NUP107: variants seen among roughly 807,000 people sequenced by gnomAD.
NUP107 encodes nuclear pore complex protein Nup107.
Under a neutral mutation model 141.0 loss-of-function variants are expected in NUP107, and 101 were observed. The ratio of observed to expected loss-of-function variants is 0.72; its 90% CI spans 0.61 to 0.84. The LOEUF is 0.84. Among genes scored for constraint, NUP107 ranks in the 40% least tolerant of loss-of-function variants. The probability of loss-of-function intolerance (pLI) is 0.00; values close to 1 mark genes in which losing one functional copy is unlikely to be tolerated. For missense variants in NUP107, 941 were observed against 1,102.7 expected, an observed-to-expected ratio of 0.85 and a Z score of 2.08; for synonymous variants, 319 against 363.9, an observed-to-expected ratio of 0.88 and a Z score of 1.41.
chr12:68,728,874 A>T (rs1213015854), intron 20 of NUP107, among the ~76,000 whole-genome samples: 22 of 152,140 alleles, frequency 1.4e-4, no homozygotes, highest in Admixed American at 1.4e-3. Flanking sequence ...TACAAGATGA[A>T]TTGTCTATTT....
At position 68,709,321 on chromosome 12, in the gene NUP107, A is replaced by AT; in HGVS notation, c.801+15dup. On this transcript the variant is annotated intron_variant, in intron 9 of 27. Coordinates refer to ENST00000229179, the MANE Select transcript of NUP107 (RefSeq NM_020401.4). Reference sequence around the variant, plus strand: ...TTCGACAAAGTCAGGTATGACTAGAATTTAAAATTTTTTTTTATGAAACAT... The same window carrying AT: ...TTCGACAAAGTCAGGTATGACTAGAATTTTAAAATTTTTTTTTATGAAACAT... 6.5e-7 allele frequency: 1 copy of AT among 1,543,658 alleles called. No individual in the cohort carries two copies. The highest frequency in any genetic ancestry group is 1.2e-5 in the South Asian group (1 of 82,308).
rs59513587 is a variant in NUP107 at position 68,690,990 on chromosome 12, G to A, written c.303+244G>A. On this transcript the variant is annotated intron_variant, in intron 4 of 27. Coordinates refer to ENST00000229179, the MANE Select transcript of NUP107 (RefSeq NM_020401.4). ...AGCTGCTCGGGAGGCTGAGGTGTGAGAATTGCTTGAACCCAGGAGGCAGAG... is the reference window on the plus strand; with the variant it reads ...AGCTGCTCGGGAGGCTGAGGTGTGAAAATTGCTTGAACCCAGGAGGCAGAG... Among the ~76,000 whole-genome samples, 30,173 of 151,858 alleles carry A rather than the reference G, an allele frequency of 0.2. 3,754 individuals carry two copies. The highest frequency in any genetic ancestry group is 0.45 in the South Asian group (2,185 of 4,820).
At chr12:68,706,098 G>A in intron 8 of NUP107, 1 of 770,878 alleles carries the variant, frequency 1.3e-6, no homozygotes. Context: ...TACACTCTGG[G>A]CCAAGAGAAG....
rs1352804600 is a variant in NUP107 at position 68,719,660 on chromosome 12, A to T, written c.1251+6A>T. On this transcript the variant is annotated splice_donor_region_variant and intron_variant, in intron 14 of 27. Transcript: ENST00000229179. ...GCTGGAGAATGGCAGAAGATGTAAG[A>T]TAAATAAAATATTCAGTGATACTGT... 6.3e-7 allele frequency: 1 copy of T among 1,577,938 alleles called. No individual in the cohort carries two copies. The highest frequency in any genetic ancestry group is 1.1e-5 in the South Asian group (1 of 90,234).
At chr12:68,701,919 C>T (rs1379722867) in intron 7 of NUP107, among the ~76,000 whole-genome samples, 1 of 152,022 alleles carries the variant, frequency 6.6e-6, no homozygotes, top group African/African-American at 2.4e-5. Flanking sequence ...AAGGGATTCT[C>T]CTGCCTCAGC....
In NUP107 at chr12:68,712,929, T is replaced by C. The variant is rs542580627; in HGVS notation, c.891-801T>C. 9.6e-4 allele frequency among the ~76,000 whole-genome samples: 146 copies of C among 152,230 alleles called. 1 individual carries two copies. In the South Asian group the frequency reaches 0.012, roughly 13 times the overall value. On this transcript the variant is annotated intron_variant, in intron 10 of 27. Transcript: ENST00000229179. ...TCAAGATGTGTCATAGTCCTAAATG[T>C]AGAAGCTAAAAACCATAAAGCTTTT...
At chr12:68,735,637 A>G (rs558074351) in intron 26 of NUP107, among the ~76,000 whole-genome samples, 4 of 152,350 alleles carry the variant, frequency 2.6e-5, no homozygotes, top group African/African-American at 9.6e-5. Context: ...ATTTACAGAT[A>G]TAAAGATAAC....
chr12:68,740,803 C>G (rs1441387270), intron 26 of NUP107, among the ~76,000 whole-genome samples: 1 of 151,704 alleles, frequency 6.6e-6, no homozygotes, highest in Non-Finnish European at 1.5e-5. Flanking sequence ...GCAGGAGGAT[C>G]ACTTGAGCCC....
At chr12:68,691,248 A>G (rs1275337828) in intron 4 of NUP107, among the ~76,000 whole-genome samples, 1 of 152,202 alleles carries the variant, frequency 6.6e-6, no homozygotes, top group Non-Finnish European at 1.5e-5. Context: ...TTTAGATGAA[A>G]ATAAGATGTT....
At chr12:68,716,245 C>T (rs2468419) in intron 12 of NUP107, among the ~76,000 whole-genome samples, 96,067 of 115,494 alleles carry the variant, frequency 0.83, 39,878 homozygotes, top group Non-Finnish European at 0.87. Context: ...TTCTTTCTTT[C>T]TTTTTTTTTT....
chr12:68,716,040 G>A lies in NUP107; in HGVS notation c.1083+300G>A, dbSNP rs373472046. ...TCCCCATTATTTATTTTTTTGTTCC[G>A]TTTGAGATTTTTGTTTTTGTTTTTG... is the stretch of plus-strand genomic sequence containing the variant. On this transcript the variant is annotated intron_variant, in intron 12 of 27. Coordinates refer to ENST00000229179, the MANE Select transcript of NUP107 (RefSeq NM_020401.4). Among the ~76,000 whole-genome samples the A allele has an allele frequency of 4.6e-4, 70 of 151,080 alleles. 2 individuals are homozygous for A. The South Asian group carries it at 0.014, about 29-fold the overall frequency.
At chr12:68,696,052 A>G (rs1042527820) in intron 5 of NUP107, among the ~76,000 whole-genome samples, 7 of 151,804 alleles carry the variant, frequency 4.6e-5, no homozygotes, top group Non-Finnish European at 8.8e-5. Flanking sequence ...ATTTTATATT[A>G]TGTGTATCTT....
chr12:68,704,457 CT>C (rs761750242), intron 8 of NUP107, among the ~76,000 whole-genome samples: 183 of 144,724 alleles, frequency 1.3e-3, no homozygotes, highest in East Asian at 8.7e-3. Context: ...AAAAGTAATT[CT>C]TTTTTTTTTT....
At chr12:68,723,654 A>T (rs897215233) in intron 17 of NUP107, among the ~76,000 whole-genome samples, 4 of 152,176 alleles carry the variant, frequency 2.6e-5, no homozygotes, top group African/African-American at 9.6e-5. Flanking sequence ...GTGGCAGTTA[A>T]TTCATACTTC....
At chr12:68,705,637 T>G in intron 8 of NUP107, 1 of 536,488 alleles carries the variant, frequency 1.9e-6, no homozygotes, top group East Asian at 4.4e-5. Context: ...CTCCACCATG[T>G]CCATCAGAGT....
In NUP107 at chr12:68,703,302, A is replaced by G. The variant is rs192990844; in HGVS notation, c.729+518A>G. On this transcript the variant is annotated intron_variant, in intron 8 of 27. Transcript: ENST00000229179. ...TATCCCACTGACTATTTAGTGTAAC[A>G]GTTTTGGTATGTATCCTACCAGACA... 1.4e-4 allele frequency among the ~76,000 whole-genome samples: 22 copies of G among 152,322 alleles called. No homozygotes were observed. The East Asian group carries it at 4.2e-3, about 29-fold the overall frequency.
In NUP107 at chr12:68,726,594, C is replaced by T. The variant is rs542141920; in HGVS notation, c.1672C>T (p.Arg558Cys). The T allele has an allele frequency of 7.6e-5, 122 of 1,612,508 alleles. No individual in the cohort carries two copies. Among genetic ancestry groups the T allele is most frequent in the East Asian group, 1.1e-4 (5 of 44,824 alleles). The change falls in exon 19 of 28, where the codon CGT becomes TGT. Residue 558 changes from arginine (R) to cysteine (C), a missense_variant. Physicochemically the swap from Arg to Cys is radical, Grantham distance 180. Transcript: ENST00000229179. ...RFMTHLILFF[R>C]TLGLQTKEEV... ...TATGACTCACCTTATTTTGTTTTTC[C>T]GTACTCTGGGACTACAGACCAAGGT... is the stretch of plus-strand genomic sequence containing the variant.
chr12:68,732,461 C>A, intron 22 of NUP107, 176 bp from the exon 23 acceptor site: 1 of 478,628 alleles, frequency 2.1e-6, no homozygotes, highest in Non-Finnish European at 3.7e-6. Flanking sequence ...TAATAGAGAG[C>A]TGTTAAATAT....
chr12:68,688,509 C>T (rs898458265), intron 1 of NUP107, among the ~76,000 whole-genome samples: 6 of 152,096 alleles, frequency 3.9e-5, no homozygotes, highest in Admixed American at 3.3e-4. Context: ...GTTGCAAGCT[C>T]TGTTTGTTGT....
Sources: allele counts gnomAD v4.1 joint callset (sites outside exome capture counted in the v4.1 genomes callset), GRCh38; gene constraint gnomAD v4.1.1; transcripts MANE v1.5; gene names NCBI Gene and HGNC (gene_info 2026-07-23, HGNC 2026-07-21).